PCDHGA10: variants seen among roughly 807,000 people sequenced by gnomAD.
PCDHGA10 encodes protocadherin gamma subfamily A, 10.
PCDHGA10 carries 42 observed loss-of-function variants against 59.5 expected under a neutral mutation model. That is an observed-to-expected ratio of 0.71 (90% CI 0.55 to 0.91). The LOEUF is 0.91. Ranked by LOEUF, PCDHGA10 falls within the 40% of genes least tolerant of loss-of-function variation. The pLI, the probability that PCDHGA10 is intolerant of heterozygous loss-of-function variation, is 0.00. For missense variants in PCDHGA10, 1,111 were observed against 1,198.2 expected, an observed-to-expected ratio of 0.93 and a Z score of 1.07; for synonymous variants, 511 against 517.2, an observed-to-expected ratio of 0.99 and a Z score of 0.16.
intron 1 of PCDHGA10, among the ~76,000 whole-genome samples, chr5:141,466,594 C>G (rs557960608): frequency 6.6e-6 from 1 of 152,268 alleles, no homozygotes; most frequent in Admixed American, 6.5e-5. Flanking sequence ...TTAAAACAAG[C>G]TAGCTACTTG....
Position 141,505,463 on chromosome 5 carries a change from A to G in PCDHGA10, c.2566A>G (p.Ile856Val). 1 of 1,614,184 alleles carries G rather than the reference A, an allele frequency of 6.2e-7. No homozygotes were observed. Among genetic ancestry groups the G allele is most frequent in the East Asian group, 2.2e-5 (1 of 44,876 alleles). Residue 856 changes from isoleucine to valine, a missense_variant, in exon 3 of 4, where the codon ATC (isoleucine) becomes GTC (valine). Ile to Val is a conservative substitution (Grantham distance 29). Transcript: ENST00000398610. Reference protein sequence around the residue: ...QFDTEMLQAMILASASEAADG... With the variant: ...QFDTEMLQAMVLASASEAADG... ...TGACACAGAGATGCTGCAAGCCATG[A>G]TCTTGGCGTCCGCCAGTGGTAAGTG...
At chr5:141,510,353 C>T (rs74759939) in intron 3 of PCDHGA10, among the ~76,000 whole-genome samples, 2 of 146,504 alleles carry the variant, frequency 1.4e-5, no homozygotes, top group African/African-American at 5.0e-5. Context: ...CACTTACTAA[C>T]GGAACTACCG....
At chr5:141,424,094 A>G (rs1036391991) in intron 1 of PCDHGA10, 11 of 864,422 alleles carry the variant, frequency 1.3e-5, no homozygotes, top group Non-Finnish European at 1.4e-5. Context: ...ATTATTTGCT[A>G]TTACTGCTAA....
Position 141,431,625 on chromosome 5 carries a change from C to T in PCDHGA10, c.2436+16014C>T. The T allele has an allele frequency of 6.2e-7, 1 of 1,614,224 alleles. No individual in the cohort carries two copies. Among genetic ancestry groups the T allele is most frequent in the South Asian group, 1.1e-5 (1 of 91,082 alleles). On this transcript the variant is annotated intron_variant, in intron 1 of 3. Transcript: ENST00000398610. This position sits in a 1 kb window ranked among gnomAD's most constrained non-coding sequence, Gnocchi z 4.8. Reference sequence around the variant, plus strand: ...TTCCGGTATGTGGACGACAAGGCGGCCCAAGTTTTCAAACTAGATTGTAAT... The same window carrying T: ...TTCCGGTATGTGGACGACAAGGCGGTCCAAGTTTTCAAACTAGATTGTAAT...
chr5:141,476,224 G>T lies in PCDHGA10; in HGVS notation c.2437-18583G>T. 6.2e-7 allele frequency: 1 copy of T among 1,614,062 alleles called. No individual in the cohort carries two copies. The highest frequency in any genetic ancestry group is 1.1e-5 in the South Asian group (1 of 91,072). ...AGGCTTCCACGGTCATTCACTATGA[G>T]ATCCCGGAGGAAAGAGAGAAGGGTT... On this transcript the variant is annotated intron_variant, in intron 1 of 3. Transcript: ENST00000398610. This position sits in a 1 kb window ranked among gnomAD's most constrained non-coding sequence, Gnocchi z 7.6.
Position 141,487,125 on chromosome 5 carries a change from G to A in PCDHGA10, c.2437-7682G>A. 6.2e-7 allele frequency: 1 copy of A among 1,614,112 alleles called. No homozygotes were observed. The highest frequency in any genetic ancestry group is 8.5e-7 in the Non-Finnish European group (1 of 1,179,994). The stretch of plus-strand genomic sequence containing the variant: ...CTGGTCATTGTGGTAAAGGATAGTG[G>A]TAGTCCACCACTCTCTACCTCTGTT... On this transcript the variant is annotated intron_variant, in intron 1 of 3. Coordinates refer to ENST00000398610, the MANE Select transcript of PCDHGA10 (RefSeq NM_018913.3). This position sits in a 1 kb window ranked among gnomAD's most constrained non-coding sequence, Gnocchi z 5.0.
At chr5:141,418,944 C>T in intron 1 of PCDHGA10, 1 of 1,614,026 alleles carries the variant, frequency 6.2e-7, no homozygotes, top group Non-Finnish European at 8.5e-7. Context: ...GATTCCCCTC[C>T]AGGAGTGGTT....
rs1162432290 is a variant in PCDHGA10, at chr5:141,414,991, G to T, written c.1816G>T (p.Ala606Ser). 1.9e-6 allele frequency: 3 copies of T among 1,613,766 alleles called. No individual in the cohort carries two copies. The highest frequency in any genetic ancestry group is 1.7e-6 in the Non-Finnish European group (2 of 1,180,034). Residue 606 changes from alanine (A) to serine (S), a missense_variant, in exon 1 of 4, where the codon GCC becomes TCC. By Grantham distance (99) the Ala-to-Ser change is moderately conservative. Transcript: ENST00000398610. The part of the protein sequence containing the change: ...VAVDRDSGQN[A>S]WLSYRLLKAS... ...GGTGGACAGAGACTCCGGCCAGAACGCCTGGCTGTCCTACCGTCTGCTCAA... is the reference window on the plus strand; with the variant it reads ...GGTGGACAGAGACTCCGGCCAGAACTCCTGGCTGTCCTACCGTCTGCTCAA...
At position 141,477,146 on chromosome 5, in the gene PCDHGA10, G is replaced by A. The variant is rs1447966302; in HGVS notation, c.2437-17661G>A. The stretch of plus-strand genomic sequence containing the variant: ...TTGCAAAGTGTTGGTGGAGGTTGTG[G>A]ATGTGAATGACAACGCCCCGGAGAT... On this transcript the variant is annotated intron_variant, in intron 1 of 3. Coordinates refer to ENST00000398610, the MANE Select transcript of PCDHGA10 (RefSeq NM_018913.3). This position sits in a 1 kb window ranked among gnomAD's most constrained non-coding sequence, Gnocchi z 4.9. 1 of 1,614,182 alleles carries A rather than the reference G, an allele frequency of 6.2e-7. No homozygotes were observed. The highest frequency in any genetic ancestry group is 8.5e-7 in the Non-Finnish European group (1 of 1,180,044).
intron 1 of PCDHGA10, chr5:141,430,780 C>T: frequency 6.6e-7 from 1 of 1,511,476 alleles, no homozygotes; most frequent in Non-Finnish European, 8.8e-7. Flanking sequence ...CGCGACTGCA[C>T]CGGGACTACA....
chr5:141,419,894 C>G, intron 1 of PCDHGA10: 1 of 1,613,926 alleles, frequency 6.2e-7, no homozygotes, highest in Non-Finnish European at 8.5e-7. Flanking sequence ...CAGCGACCAT[C>G]CCACACCCTC....
intron 1 of PCDHGA10, among the ~76,000 whole-genome samples, chr5:141,474,726 A>G (rs549082085): frequency 6.6e-6 from 1 of 152,358 alleles, no homozygotes; most frequent in South Asian, 2.1e-4. Flanking sequence ...AAAGGACTCT[A>G]TGCAATCAAA....
rs1360364370 is a variant in PCDHGA10, at chr5:141,491,814, G to A, written c.2437-2993G>A. 1 of 1,486,114 alleles carries A rather than the reference G, an allele frequency of 6.7e-7. No individual in the cohort carries two copies. The allele number at this position is 1,486,114 out of a possible 1,614,324, so 92.1% of individuals were successfully genotyped here. On this transcript the variant is annotated intron_variant, in intron 1 of 3. Transcript: ENST00000398610. This position sits in a 1 kb window ranked among gnomAD's most constrained non-coding sequence, Gnocchi z 6.9. ...TCCTCTCCGGCCGGCTTGGTCGCTGGCTGCGCTCCACCCGATTCTCGGGAT... is the reference window on the plus strand; with the variant it reads ...TCCTCTCCGGCCGGCTTGGTCGCTGACTGCGCTCCACCCGATTCTCGGGAT...
intron 1 of PCDHGA10, chr5:141,422,614 C>T (rs1207238896): frequency 6.2e-7 from 1 of 1,613,812 alleles, no homozygotes; most frequent in South Asian, 1.1e-5. Flanking sequence ...TGCCTACATT[C>T]CCGAAAACAA....
At chr5:141,430,383 G>A (rs527531595) in intron 1 of PCDHGA10, among the ~76,000 whole-genome samples, 74 of 138,604 alleles carry the variant, frequency 5.3e-4, no homozygotes, top group Admixed American at 8.6e-4. Flanking sequence ...AGCTCATTGG[G>A]AAAAAAAAAA....
At chr5:141,433,358 CCTATCTATCTATCTATCTAT>C (rs3074541) in intron 1 of PCDHGA10, 19 of 503,934 alleles carry the variant, frequency 3.8e-5, no homozygotes, top group South Asian at 2.3e-4. Flanking sequence ...CTACTGTCTG[CCTATCTATCTATCTATCTAT>C]CTATCTATCT....
chr5:141,508,451 C>T (rs1245251907), intron 3 of PCDHGA10, among the ~76,000 whole-genome samples: 1 of 152,180 alleles, frequency 6.6e-6, no homozygotes, highest in Admixed American at 6.5e-5. Flanking sequence ...AGTGGCAGAG[C>T]AGAGCAAATA....
intron 1 of PCDHGA10, among the ~76,000 whole-genome samples, chr5:141,439,161 C>T (rs1384707803): frequency 6.6e-6 from 1 of 150,850 alleles, no homozygotes; most frequent in Non-Finnish European, 1.5e-5. Flanking sequence ...CCACTGCACT[C>T]CAGCCTGGGC....
intron 1 of PCDHGA10, among the ~76,000 whole-genome samples, chr5:141,446,777 C>CTT (rs1480571336): frequency 1.3e-5 from 2 of 152,072 alleles, no homozygotes; most frequent in Non-Finnish European, 2.9e-5. Flanking sequence ...GGTTACCATT[C>CTT]TTTTACTCTG....
Sources: allele counts gnomAD v4.1 joint callset (sites outside exome capture counted in the v4.1 genomes callset), GRCh38; gene constraint gnomAD v4.1.1; non-coding constraint Gnocchi (gnomAD v3.1); transcripts MANE v1.5; gene names NCBI Gene and HGNC (gene_info 2026-07-23, HGNC 2026-07-21).